Variants in ANXA4 observed in about 807,000 individuals in gnomAD.
The protein encoded by ANXA4 is 35-beta calcimedin.
A neutral mutation model predicts 49.8 loss-of-function variants in ANXA4; 39 were observed. The observed-to-expected ratio is 0.78, with a 90% confidence interval of 0.61 to 1.02. ANXA4 has a LOEUF of 1.02. ANXA4 is among the 50% of genes least tolerant of loss of function. The pLI is 0.00. For missense variants in ANXA4, 360 were observed against 410.1 expected, an observed-to-expected ratio of 0.88 and a Z score of 1.05; for synonymous variants, 134 against 152.5, an observed-to-expected ratio of 0.88 and a Z score of 0.89.
At chr2:69,823,039 GTTAT>G (rs1674312638) in intron 12 of ANXA4, among the ~76,000 whole-genome samples, 1 of 150,126 alleles carries the variant, frequency 6.7e-6, no homozygotes, top group Non-Finnish European at 1.5e-5. Context: ...ATGGCTTTAT[GTTAT>G]TTATATTTAT....
intron 2 of ANXA4, among the ~76,000 whole-genome samples, chr2:69,708,440 AC>A (rs1678571087): frequency 6.6e-6 from 1 of 152,216 alleles, no homozygotes; most frequent in Non-Finnish European, 1.5e-5. Context: ...TACAAAAAAT[AC>A]AAAAATTAGC....
chr2:69,648,137 T>A, intron 1 of ANXA4, among the ~76,000 whole-genome samples: 1 of 152,344 alleles, frequency 6.6e-6, no homozygotes, highest in East Asian at 1.9e-4. Context: ...AGTCAAGCAC[T>A]ATGTTGGGTA....
At chr2:69,757,222 C>G (rs1671071953) in intron 1 of ANXA4, among the ~76,000 whole-genome samples, 1 of 139,260 alleles carries the variant, frequency 7.2e-6, no homozygotes, top group African/African-American at 2.6e-5. Context: ...AGCCACCGTG[C>G]CCAGCCATTT....
chr2:69,794,835 G>A (rs1324399705), intron 3 of ANXA4, among the ~76,000 whole-genome samples: 2 of 152,238 alleles, frequency 1.3e-5, no homozygotes, highest in African/African-American at 2.4e-5. Context: ...AAAGAGAGAG[G>A]GGTGAGTTTT....
chr2:69,706,846 A>G (rs1678516947), intron 2 of ANXA4, among the ~76,000 whole-genome samples: 1 of 152,156 alleles, frequency 6.6e-6, no homozygotes, highest in Non-Finnish European at 1.5e-5. Flanking sequence ...TGGCCGAATA[A>G]TTTCTCATTG....
chr2:69,669,181 G>T (rs375721101), intron 2 of ANXA4, among the ~76,000 whole-genome samples: 11 of 150,168 alleles, frequency 7.3e-5, no homozygotes, highest in Non-Finnish European at 1.5e-5. Flanking sequence ...CTGACCTCAG[G>T]TGATCCACCC....
At chr2:69,798,189 A>T (rs527338863) in intron 3 of ANXA4, among the ~76,000 whole-genome samples, 1 of 152,306 alleles carries the variant, frequency 6.6e-6, no homozygotes, top group African/African-American at 2.4e-5. Flanking sequence ...TATCATTAGG[A>T]GTTAAATAGT....
chr2:69,726,354 C>A (rs1669962648), intron 3 of ANXA4, among the ~76,000 whole-genome samples: 1 of 152,170 alleles, frequency 6.6e-6, no homozygotes, highest in South Asian at 2.1e-4. Context: ...TATAAATTAC[C>A]CAGTCTTGGG....
intron 1 of ANXA4, among the ~76,000 whole-genome samples, chr2:69,751,027 C>T (rs1408718324): frequency 2.0e-5 from 3 of 152,270 alleles, no homozygotes; most frequent in Non-Finnish European, 4.4e-5. Flanking sequence ...CTGTGCCAGA[C>T]ATCTGGTATG....
At chr2:69,757,206 G>C (rs1392505885) in intron 1 of ANXA4, among the ~76,000 whole-genome samples, 2 of 142,152 alleles carry the variant, frequency 1.4e-5, no homozygotes, top group African/African-American at 5.2e-5. Context: ...TGGGATTACA[G>C]GTGTGAGCCA....
At chr2:69,778,867 G>A (rs1022450042) in intron 1 of ANXA4, among the ~76,000 whole-genome samples, 3 of 151,616 alleles carry the variant, frequency 2.0e-5, no homozygotes, top group Admixed American at 2.0e-4. Context: ...GGAGGCTGAG[G>A]TGGGCAGATC....
intron 1 of ANXA4, among the ~76,000 whole-genome samples, chr2:69,762,669 C>G (rs13012793): frequency 0.33 from 50,083 of 152,022 alleles, 8,385 homozygotes; most frequent in African/African-American, 0.33. Context: ...ATCATGCCTC[C>G]TTGAATCTAC....
intron 2 of ANXA4, among the ~76,000 whole-genome samples, chr2:69,675,004 C>A (rs935075947): frequency 6.7e-6 from 1 of 149,388 alleles, no homozygotes; most frequent in Admixed American, 6.8e-5. Flanking sequence ...CTCACTGCAA[C>A]CTCCACCTCC....
chr2:69,672,368 T>A, intron 2 of ANXA4, among the ~76,000 whole-genome samples: 1 of 152,008 alleles, frequency 6.6e-6, no homozygotes, highest in Non-Finnish European at 1.5e-5. Flanking sequence ...GGTAGCTGGG[T>A]TTACAGTTAT....
In ANXA4 at chr2:69,825,653, CTG is replaced by C; in HGVS notation, c.*140_*141del. ...CTACAGCTGCCTCCTAGAATATAGA[CTG>C]TCTGTATTATTATTCACCTATAATT... On this transcript the variant is annotated 3_prime_UTR_variant, in exon 13 of 13. Coordinates refer to ENST00000394295, the MANE Select transcript of ANXA4 (RefSeq NM_001153.5). 6.6e-6 allele frequency: 4 copies of C among 601,650 alleles called. No homozygotes were observed. The highest frequency in any genetic ancestry group is 5.1e-5 in the South Asian group (2 of 39,040). The allele number at this position is 601,650 out of a possible 1,614,324, so 37.3% of individuals were successfully genotyped here. A position where few individuals can be genotyped will look rare whatever the true frequency, so the allele number is the denominator to read the frequency against.
chr2:69,730,495 T>C (rs1422015804), intron 3 of ANXA4, among the ~76,000 whole-genome samples: 23 of 152,066 alleles, frequency 1.5e-4, no homozygotes, highest in Admixed American at 1.5e-3. Context: ...AGAATGAAAT[T>C]CAGTCTTAAC....
chr2:69,816,404 G>A, intron 9 of ANXA4: 1 of 465,110 alleles, frequency 2.2e-6, no homozygotes, highest in Non-Finnish European at 3.9e-6. Context: ...ATTAGAAAAA[G>A]TGCATGTAGT....
chr2:69,741,936 C>A (rs1235434047), upstream of ANXA4: 1 of 152,374 alleles, frequency 6.6e-6, no homozygotes, highest in Non-Finnish European at 1.5e-5. Flanking sequence ...GAGGGCGGAC[C>A]CGCCGGGGGT....
intron 2 of ANXA4, among the ~76,000 whole-genome samples, chr2:69,683,220 A>G (rs1677659532): frequency 1.3e-5 from 2 of 152,340 alleles, no homozygotes; most frequent in East Asian, 1.9e-4. Flanking sequence ...TGCGGCTAAA[A>G]GTTCCCAGTG....
Sources: allele counts gnomAD v4.1 joint callset (sites outside exome capture counted in the v4.1 genomes callset), GRCh38; gene constraint gnomAD v4.1.1; transcripts MANE v1.5; gene names NCBI Gene and HGNC (gene_info 2026-07-23, HGNC 2026-07-21).